MYPN: variants seen among roughly 807,000 people sequenced by gnomAD.
The protein encoded by MYPN is myopalladin.
Under a neutral mutation model 129.4 loss-of-function variants are expected in MYPN, and 63 were observed. The observed-to-expected ratio is 0.49, with a 90% CI of 0.40 to 0.60. The LOEUF (loss-of-function observed/expected upper bound fraction) is 0.60. MYPN is among the 20% of genes least tolerant of loss of function. The pLI is 0.00. For missense variants in MYPN, 1,596 were observed against 1,635.4 expected (o/e 0.98, Z 0.42); for synonymous variants, 629 against 600.9 (o/e 1.05, Z -0.68).
upstream of MYPN, among the ~76,000 whole-genome samples, chr10:68,102,076 TTCTC>T (rs2041984382): frequency 6.6e-6 from 1 of 151,688 alleles, no homozygotes; most frequent in Non-Finnish European, 1.5e-5. Flanking sequence ...TTTTCATTAA[TTCTC>T]TATCTCTTAA....
In MYPN at chr10:68,174,391, C is replaced by T. The variant is rs2134200267; in HGVS notation, c.2299C>T (p.His767Tyr). 6.2e-7 allele frequency: 1 copy of T among 1,614,172 alleles called. No homozygotes were observed. Among genetic ancestry groups the T allele is most frequent in the Non-Finnish European group, 8.5e-7 (1 of 1,180,040 alleles). Residue 767 changes from histidine (H) to tyrosine (Y), a missense_variant, in exon 11 of 20, where the codon CAC (histidine) becomes TAC (tyrosine). Physicochemically the swap from His to Tyr is moderately conservative, Grantham distance 83 (BLOSUM62 2). Transcript: ENST00000358913. ...GAGCAAAGAAAGCCTCTTAGTGTCT[C>T]ACCCCTCTGTGCAAACCAAATCTCC... ...TVSKESLLVS[H>Y]PSVQTKSPGG...
At chr10:68,193,250 G>A (rs1331012736) in intron 13 of MYPN, among the ~76,000 whole-genome samples, 1 of 151,742 alleles carries the variant, frequency 6.6e-6, no homozygotes, top group East Asian at 1.9e-4. Context: ...AATTAGCAAA[G>A]CCCAGATAAT....
intron 2 of MYPN, among the ~76,000 whole-genome samples, chr10:68,137,500 C>A (rs867102572): frequency 1.8e-4 from 27 of 152,290 alleles, no homozygotes; most frequent in South Asian, 1.2e-3. Context: ...TATACTGAAA[C>A]CTACTGGTCT....
At chr10:68,106,475 A>T, upstream of MYPN, 1 of 514,408 alleles carries the variant, frequency 1.9e-6, no homozygotes, top group South Asian at 2.0e-5. Flanking sequence ...TTGCTGTGAA[A>T]ATTTTTCTCA....
In MYPN at chr10:68,124,469, A is replaced by G. The variant is rs543741919; in HGVS notation, c.902+2129A>G. Among the ~76,000 whole-genome samples the G allele has an allele frequency of 5.5e-4, 84 of 152,312 alleles. 1 individual carries two copies. Among genetic ancestry groups the G allele is most frequent in the African/African-American group, 2.0e-3 (82 of 41,562 alleles). The stretch of plus-strand genomic sequence containing the variant: ...TTATAGGACAATAGTAGTATTAATA[A>G]TAGCATTTTTGTTTATATATAGGCA... On this transcript the variant is annotated intron_variant, in intron 2 of 19. Transcript: ENST00000358913.
chr10:68,197,383 G>C lies in MYPN; in HGVS notation c.3190G>C (p.Glu1064Gln). 2 of 1,613,942 alleles carry C rather than the reference G, an allele frequency of 1.2e-6. 1 individual carries two copies. Among genetic ancestry groups the C allele is most frequent in the South Asian group, 2.2e-5 (2 of 91,068 alleles). Residue 1064 changes from glutamate (E) to glutamine (Q), a missense_variant, in exon 16 of 20, where the codon GAG (glutamate) becomes CAG (glutamine). Transcript: ENST00000358913. ...GRSRVQERDK[E>Q]PLQERFFRPH... ...ATCCCGAGTGCAAGAAAGAGACAAA[G>C]AGCCCCTACAGGAACGCTTTTTCCG...
At chr10:68,191,216 C>CA (rs1554849502) in intron 13 of MYPN, among the ~76,000 whole-genome samples, 1 of 144,338 alleles carries the variant, frequency 6.9e-6, no homozygotes, top group Non-Finnish European at 1.5e-5. Flanking sequence ...TTTTCTATTT[C>CA]TTTTTTTTTT....
At chr10:68,144,819 A>G (rs2042635231) in intron 3 of MYPN, among the ~76,000 whole-genome samples, 1 of 152,182 alleles carries the variant, frequency 6.6e-6, no homozygotes. Context: ...GGATTTACGA[A>G]CACCAGAGAA....
At chr10:68,110,276 T>G (rs2042064534) in intron 1 of MYPN, among the ~76,000 whole-genome samples, 1 of 152,042 alleles carries the variant, frequency 6.6e-6, no homozygotes, top group South Asian at 2.1e-4. Flanking sequence ...TCTCTCTCCG[T>G]CTCTTTCTCT....
chr10:68,182,491 CACACACAT>C (rs1201805811), intron 12 of MYPN, among the ~76,000 whole-genome samples: 2 of 142,626 alleles, frequency 1.4e-5, no homozygotes, highest in South Asian at 2.2e-4. Context: ...CACACACACA[CACACACAT>C]ATATATATAT....
intron 10 of MYPN, among the ~76,000 whole-genome samples, chr10:68,168,887 G>A (rs1437744551): frequency 6.6e-6 from 1 of 151,066 alleles, no homozygotes; most frequent in Non-Finnish European, 1.5e-5. Flanking sequence ...CAGCTACTCA[G>A]GAGGCTGAGG....
chr10:68,189,082 C>G lies in MYPN; in HGVS notation c.2881C>G (p.Pro961Ala), dbSNP rs139996402. Reference sequence around the variant, plus strand: ...GCACTTCCGGGTCACAGAAGGCTCTCCAGTTACATTCACCTGCAAAATTGT... The same window carrying G: ...GCACTTCCGGGTCACAGAAGGCTCTGCAGTTACATTCACCTGCAAAATTGT... ...LKHFRVTEGS[P>A]VTFTCKIVGI... The change falls in exon 13 of 20, where the codon CCA becomes GCA. Residue 961 changes from proline to alanine, a missense_variant. Transcript: ENST00000358913. 3.1e-6 allele frequency: 5 copies of G among 1,614,014 alleles called. No individual in the cohort carries two copies. The African/African-American group carries it at 6.7e-5, about 22-fold the overall frequency.
At chr10:68,198,672 TA>T (rs2043652836) in intron 16 of MYPN, among the ~76,000 whole-genome samples, 1 of 152,206 alleles carries the variant, frequency 6.6e-6, no homozygotes, top group Non-Finnish European at 1.5e-5. Context: ...CCAGGATTTT[TA>T]AACACCTCCC....
chr10:68,156,083 G>C (rs2042868409), intron 6 of MYPN, among the ~76,000 whole-genome samples: 1 of 152,146 alleles, frequency 6.6e-6, no homozygotes. Context: ...ATATATCTGA[G>C]CTCAACTTTA....
rs753776650 is a variant in MYPN, at chr10:68,158,538, G to T, written c.1370G>T (p.Arg457Ile). 1.2e-6 allele frequency: 2 copies of T among 1,613,764 alleles called. No homozygotes were observed. Among genetic ancestry groups the T allele is most frequent in the South Asian group, 1.1e-5 (1 of 91,080 alleles). Residue 457 changes from arginine (R) to isoleucine (I), a missense_variant, in exon 7 of 20, where the codon AGA becomes ATA. Arg to Ile is a moderately conservative substitution (Grantham distance 97). Coordinates refer to ENST00000358913, the MANE Select transcript of MYPN (RefSeq NM_032578.4). ...SEGQLVVFECRVKGAPSPKVE... is the reference protein window; with the variant it reads ...SEGQLVVFECIVKGAPSPKVE... ...GGTCAGCTGGTTGTCTTTGAATGCA[G>T]AGTAAAAGGAGCTCCATCTCCTAAG... is the stretch of plus-strand genomic sequence containing the variant.
intron 2 of MYPN, among the ~76,000 whole-genome samples, chr10:68,134,578 C>T (rs1480084831): frequency 2.0e-5 from 3 of 152,062 alleles, no homozygotes; most frequent in Non-Finnish European, 2.9e-5. Flanking sequence ...GGGTGGATCA[C>T]GAAGTCAAGA....
upstream of MYPN, among the ~76,000 whole-genome samples, chr10:68,105,900 G>A (rs1276148178): frequency 2.6e-5 from 4 of 152,180 alleles, no homozygotes; most frequent in Non-Finnish European, 5.9e-5. Context: ...AATCAAGAAA[G>A]CCTATTTCCT....
At chr10:68,156,339 G>A (rs937550824) in intron 6 of MYPN, among the ~76,000 whole-genome samples, 1 of 152,162 alleles carries the variant, frequency 6.6e-6, no homozygotes, top group Non-Finnish European at 1.5e-5. Flanking sequence ...TCAGGGTGGA[G>A]GACATACTCA....
At position 68,109,514 on chromosome 10, in the gene MYPN, G is replaced by A; in HGVS notation, c.-211G>A. ...AGCTGACAAATGCTCTGGCTCCGGT[G>A]GTGACAGGTTGTCCAGCTTCTTACA... On this transcript the variant is annotated 5_prime_UTR_variant, in exon 1 of 20. The change creates a premature stop within an existing upstream ORF in the 5' untranslated region. Coordinates refer to ENST00000358913, the MANE Select transcript of MYPN (RefSeq NM_032578.4). 1 of 454,060 alleles carries A rather than the reference G, an allele frequency of 2.2e-6. No homozygotes were observed. Among genetic ancestry groups the A allele is most frequent in the South Asian group, 1.6e-5 (1 of 64,476 alleles). 28.1% of individuals were successfully genotyped at this position (454,060 alleles called of 1,614,324 possible). A position where few individuals can be genotyped will look rare whatever the true frequency, so the allele number is the denominator to read the frequency against.
Sources: gnomAD v4.1 joint callset for allele counts (sites outside exome capture counted in the v4.1 genomes callset) on GRCh38, gnomAD v4.1.1 for gene constraint, MANE v1.5 for transcripts, NCBI Gene and HGNC (gene_info 2026-07-23, HGNC 2026-07-21) for gene names.